BLM: variants seen among roughly 807,000 people sequenced by gnomAD.
BLM encodes the protein BLM RecQ like helicase, also known as recQ-like DNA helicase BLM.
A neutral mutation model predicts 135.3 loss-of-function variants in BLM; 95 were observed. That is an observed-to-expected ratio of 0.70 (90% CI 0.59 to 0.83). The LOEUF is 0.83. Ranked by LOEUF, BLM falls within the 40% of genes least tolerant of loss-of-function variation. The pLI, the probability that BLM is intolerant of heterozygous loss-of-function variation, is 0.00. For missense variants in BLM, 1,518 were observed against 1,663.9 expected, an observed-to-expected ratio of 0.91 and a Z score of 1.53; for synonymous variants, 520 against 589.2, an observed-to-expected ratio of 0.88 and a Z score of 1.70.
intron 1 of BLM, among the ~76,000 whole-genome samples, chr15:90,728,785 T>C (rs1448279511): frequency 6.6e-6 from 1 of 152,172 alleles, no homozygotes; most frequent in Non-Finnish European, 1.5e-5. Context: ...AGAAAAACAA[T>C]TTATTTTTGT....
At chr15:90,774,716 C>T (rs913206198) in intron 12 of BLM, among the ~76,000 whole-genome samples, 4 of 150,464 alleles carry the variant, frequency 2.7e-5, no homozygotes, top group South Asian at 2.1e-4. Flanking sequence ...CACCTATAGT[C>T]GCAGCTACTC....
At chr15:90,780,111 A>G (rs1896582235) in intron 12 of BLM, among the ~76,000 whole-genome samples, 1 of 148,422 alleles carries the variant, frequency 6.7e-6, no homozygotes, top group Non-Finnish European at 1.5e-5. Context: ...TTTTAGACAG[A>G]GTCTCACTCT....
intron 1 of BLM, among the ~76,000 whole-genome samples, chr15:90,730,515 T>C (rs946045590): frequency 4.0e-5 from 6 of 150,392 alleles, no homozygotes; most frequent in Non-Finnish European, 7.4e-5. Context: ...AGTGGCGCAA[T>C]CTTGGCCCAC....
intron 5 of BLM, among the ~76,000 whole-genome samples, chr15:90,757,864 T>C (rs963056940): frequency 3.3e-5 from 5 of 151,900 alleles, no homozygotes; most frequent in African/African-American, 1.2e-4. Flanking sequence ...TTGTCCTTGC[T>C]TCCTATTGCC....
intron 1 of BLM, among the ~76,000 whole-genome samples, chr15:90,720,191 G>C (rs1596192376): frequency 6.6e-6 from 1 of 152,136 alleles, no homozygotes; most frequent in East Asian, 1.9e-4. Context: ...TAAGCTCCTT[G>C]AAGGCAGTAA....
At chr15:90,772,586 G>T (rs1043294973) in intron 12 of BLM, among the ~76,000 whole-genome samples, 1 of 152,158 alleles carries the variant, frequency 6.6e-6, no homozygotes, top group African/African-American at 2.4e-5. Context: ...GCCTAGCAAG[G>T]GTTGGAGTGA....
At chr15:90,747,612 G>C (rs1183230757) in intron 2 of BLM, 122 bp downstream of exon 2, 6 of 735,386 alleles carry the variant, frequency 8.2e-6, no homozygotes, top group Non-Finnish European at 1.4e-5. Context: ...GAGATTCATT[G>C]ATTTTCCCAC....
intron 21 of BLM, among the ~76,000 whole-genome samples, chr15:90,812,843 A>G (rs568483799): frequency 6.6e-6 from 1 of 152,384 alleles, no homozygotes; most frequent in Non-Finnish European, 1.5e-5. Context: ...TACCGAAATT[A>G]AAGGCATTAG....
At chr15:90,776,591 G>C in intron 12 of BLM, among the ~76,000 whole-genome samples, 1 of 152,148 alleles carries the variant, frequency 6.6e-6, no homozygotes, top group Middle Eastern at 3.4e-3. Context: ...GTGCGATCTC[G>C]GCTCACTGCA....
chr15:90,795,470 A>C (rs1193207937), intron 16 of BLM, among the ~76,000 whole-genome samples: 1 of 152,102 alleles, frequency 6.6e-6, no homozygotes, highest in Admixed American at 6.5e-5. Flanking sequence ...ACAAGAGCGA[A>C]ACTCCATCAA....
In BLM at chr15:90,815,737, G is replaced by C. The variant is rs2029899707; in HGVS notation, c.*458G>C. On this transcript the variant is annotated 3_prime_UTR_variant, in exon 22 of 22. Coordinates refer to ENST00000355112, the MANE Select transcript of BLM (RefSeq NM_000057.4). This position sits in a 1 kb window ranked among gnomAD's most constrained non-coding sequence, Gnocchi z 4.6. Reference sequence around the variant, plus strand: ...CGTGAACCAGTCAGAAACATCCCAGGGGGCAGGTGGACCAAGGATGTGAAC... The same window carrying C: ...CGTGAACCAGTCAGAAACATCCCAGCGGGCAGGTGGACCAAGGATGTGAAC... 3 of 183,362 alleles carry C rather than the reference G, an allele frequency of 1.6e-5. No individual in the cohort carries two copies. The South Asian group carries it at 3.2e-4, about 20-fold the overall frequency. 11.4% of individuals were successfully genotyped at this position (183,362 alleles called of 1,614,324 possible). A position where few individuals can be genotyped will look rare whatever the true frequency, so the allele number is the denominator to read the frequency against.
chr15:90,770,176 C>CT (rs1452541663), intron 12 of BLM, among the ~76,000 whole-genome samples: 57 of 141,154 alleles, frequency 4.0e-4, no homozygotes, highest in East Asian at 1.1e-3. Flanking sequence ...ATCCCCCCCC[C>CT]CTTTTTTTTT....
chr15:90,760,524 A>G, intron 6 of BLM, 70 bp from the exon 7 acceptor site: 2 of 1,459,024 alleles, frequency 1.4e-6, no homozygotes, highest in Non-Finnish European at 1.9e-6. Flanking sequence ...TGAAAACTAC[A>G]GATTTGCTTT....
chr15:90,773,797 T>C (rs1180827397), intron 12 of BLM, among the ~76,000 whole-genome samples: 1 of 152,212 alleles, frequency 6.6e-6, no homozygotes, highest in Non-Finnish European at 1.5e-5. Context: ...TGTTGTAGCC[T>C]GTTTTCAGTA....
Position 90,782,946 on chromosome 15 carries a change from A to G in BLM, c.2662+18A>G, listed in dbSNP as rs2151178213. 5 of 1,555,388 alleles carry G rather than the reference A, an allele frequency of 3.2e-6. No individual in the cohort carries two copies. The highest frequency in any genetic ancestry group is 4.4e-6 in the Non-Finnish European group (5 of 1,126,670). On this transcript the variant is annotated intron_variant, in intron 13 of 21. Transcript: ENST00000355112. ...CCACCCATGTGAGTACAGCCATGTGATTAGCTGTCTAGAAGTAACAAATGT... is the reference window on the plus strand; with the variant it reads ...CCACCCATGTGAGTACAGCCATGTGGTTAGCTGTCTAGAAGTAACAAATGT...
intron 5 of BLM, among the ~76,000 whole-genome samples, chr15:90,756,395 G>A (rs572890436): frequency 7.9e-5 from 12 of 152,262 alleles, no homozygotes; most frequent in South Asian, 4.1e-4. Context: ...GAGCCACCGC[G>A]CCTGGCCCAC....
chr15:90,772,081 G>T (rs544448121), intron 12 of BLM, among the ~76,000 whole-genome samples: 1 of 152,278 alleles, frequency 6.6e-6, no homozygotes, highest in African/African-American at 2.4e-5. Context: ...TCCTTAATGT[G>T]TTTGGCACTT....
chr15:90,735,685 A>AC, intron 1 of BLM, among the ~76,000 whole-genome samples: 1 of 152,296 alleles, frequency 6.6e-6, no homozygotes, highest in African/African-American at 2.4e-5. Flanking sequence ...CTCCAAATGA[A>AC]CCAGAAATCT....
chr15:90,798,169 G>A, intron 16 of BLM, 21 bp from the exon 17 acceptor site: 1 of 1,579,320 alleles, frequency 6.3e-7, no homozygotes, highest in Non-Finnish European at 8.7e-7. Context: ...ATAGCAGAAA[G>A]TATTCTCTTT....
Sources: gnomAD v4.1 joint callset for allele counts (sites outside exome capture counted in the v4.1 genomes callset) on GRCh38, gnomAD v4.1.1 for gene constraint, Gnocchi (gnomAD v3.1) non-coding constraint, MANE v1.5 for transcripts, NCBI Gene and HGNC (gene_info 2026-07-23, HGNC 2026-07-21) for gene names.